Variants in AFF3 observed in about 807,000 individuals in gnomAD.
AFF3 encodes AF4/FMR2 family member 3.
In AFF3, 32 loss-of-function variants were observed where a neutral mutation model predicts 129.7. That is an observed-to-expected ratio of 0.25 (90% CI 0.19 to 0.33). The LOEUF (loss-of-function observed/expected upper bound fraction) is 0.33, where lower values mean the gene tolerates loss of function less well. Ranked by LOEUF, AFF3 falls within the 10% of genes least tolerant of loss-of-function variation. The pLI is 1.00. For missense variants in AFF3, 1,373 were observed against 1,592.0 expected (o/e 0.86, Z 2.34); for synonymous variants, 644 against 635.4 (o/e 1.01, Z -0.20).
intron 17 of AFF3, among the ~76,000 whole-genome samples, chr2:99,579,904 T>C (rs1437089447): frequency 8.5e-5 from 13 of 152,220 alleles, no homozygotes; most frequent in Admixed American, 8.5e-4. Context: ...TCTGAAGTAA[T>C]TAAATTGAGT....
intron 22 of AFF3, among the ~76,000 whole-genome samples, chr2:99,556,915 GA>G (rs771684956): frequency 0.046 from 6,217 of 135,496 alleles, 223 homozygotes; most frequent in African/African-American, 0.11. Context: ...GAACGGGACA[GA>G]AAAAAAAAAA....
chr2:99,568,965 CT>C (rs749968669), intron 18 of AFF3, 50 bp from the exon 19 acceptor site: 1 of 1,522,370 alleles, frequency 6.6e-7, no homozygotes, highest in Admixed American at 1.7e-5. Flanking sequence ...AGTGCAACGT[CT>C]TTTTAAAATA....
rs184296034 is a variant in AFF3 at position 99,780,320 on chromosome 2, C to A, written c.922-28019G>T. On this transcript the variant is annotated intron_variant, in intron 8 of 24. Coordinates refer to ENST00000672756, the MANE Select transcript of AFF3 (RefSeq NM_001386135.1). ...CAGCGCTCTGTCTGAGTAAATAATT[C>A]TCTCCTAGATGGATCACTTTCCTCC... Among the ~76,000 whole-genome samples the A allele has an allele frequency of 9.8e-5, 15 of 152,314 alleles. No individual in the cohort carries two copies. In the East Asian group the frequency reaches 2.9e-3, roughly 29 times the overall value.
intron 4 of AFF3, among the ~76,000 whole-genome samples, chr2:100,047,257 A>T (rs1382700870): frequency 6.6e-6 from 1 of 152,174 alleles, no homozygotes; most frequent in African/African-American, 2.4e-5. Context: ...CATGTGCCCA[A>T]TGTACTTTAT....
intron 7 of AFF3, among the ~76,000 whole-genome samples, chr2:99,913,866 TA>T (rs953824856): frequency 2.6e-5 from 4 of 151,956 alleles, no homozygotes; most frequent in African/African-American, 9.7e-5. Context: ...CTGAATAAAA[TA>T]AAAATCCATG....
chr2:99,610,361 A>C (rs768011256), intron 13 of AFF3, among the ~76,000 whole-genome samples: 2 of 152,230 alleles, frequency 1.3e-5, no homozygotes, highest in Non-Finnish European at 2.9e-5. Context: ...TGAGAATGTT[A>C]TAGAAACAGA....
chr2:99,987,540 A>G (rs1281588738), intron 7 of AFF3, among the ~76,000 whole-genome samples: 2 of 152,210 alleles, frequency 1.3e-5, no homozygotes, highest in Non-Finnish European at 2.9e-5. Context: ...GAAATAAGCA[A>G]TGCTACCTGG....
At chr2:100,005,518 T>C (rs1681890622) in intron 7 of AFF3, among the ~76,000 whole-genome samples, 1 of 152,226 alleles carries the variant, frequency 6.6e-6, no homozygotes, top group Non-Finnish European at 1.5e-5. Flanking sequence ...GGTACCTACG[T>C]GTGTCTCCTA....
At chr2:100,032,895 GTAAT>G (rs1204529292) in intron 4 of AFF3, among the ~76,000 whole-genome samples, 6 of 152,122 alleles carry the variant, frequency 3.9e-5, no homozygotes, top group African/African-American at 1.4e-4. Flanking sequence ...TAAGTAATGA[GTAAT>G]TACCATAAGT....
chr2:100,029,150 A>G (rs1307543554), intron 4 of AFF3, among the ~76,000 whole-genome samples: 1 of 152,210 alleles, frequency 6.6e-6, no homozygotes, highest in Admixed American at 6.5e-5. Flanking sequence ...CTCAAAAGCC[A>G]TATGTTGAAG....
Position 99,821,062 on chromosome 2 carries a change from G to A in AFF3, c.921+16415C>T, listed in dbSNP as rs1039129487. On this transcript the variant is annotated intron_variant, in intron 8 of 24. Coordinates refer to ENST00000672756, the MANE Select transcript of AFF3 (RefSeq NM_001386135.1). ...TGATTTTTGTATTTTTAGTACAGAC[G>A]GCGTTTCCTCATGTTGGCCAGGCTG... Among the ~76,000 whole-genome samples, 4 of 151,706 alleles carry A rather than the reference G, an allele frequency of 2.6e-5. 1 individual carries two copies. The highest frequency in any genetic ancestry group is 4.8e-5 in the African/African-American group (2 of 41,286).
At chr2:99,670,512 T>C (rs1687056726) in intron 12 of AFF3, among the ~76,000 whole-genome samples, 1 of 143,564 alleles carries the variant, frequency 7.0e-6, no homozygotes, top group Non-Finnish European at 1.5e-5. Context: ...TATCTCAGAA[T>C]GCCAGGGAAT....
At chr2:99,712,107 T>C (rs896673466) in intron 11 of AFF3, among the ~76,000 whole-genome samples, 19 of 152,174 alleles carry the variant, frequency 1.2e-4, no homozygotes, top group Non-Finnish European at 1.5e-5. Flanking sequence ...CACTGAAAAC[T>C]TCCCTTCTCC....
At chr2:100,048,396 C>T (rs1686013001) in intron 4 of AFF3, among the ~76,000 whole-genome samples, 1 of 152,178 alleles carries the variant, frequency 6.6e-6, no homozygotes, top group Non-Finnish European at 1.5e-5. Context: ...GAGCAGCTCT[C>T]CGTGACTCTG....
intron 8 of AFF3, among the ~76,000 whole-genome samples, chr2:99,757,495 C>T (rs940459): frequency 0.029 from 4,490 of 152,206 alleles, 87 homozygotes; most frequent in Non-Finnish European, 0.041. Flanking sequence ...ATATTATGCA[C>T]GATTTTAAAC....
intron 11 of AFF3, among the ~76,000 whole-genome samples, chr2:99,707,924 T>C (rs765729403): frequency 6.6e-6 from 1 of 152,194 alleles, no homozygotes; most frequent in Non-Finnish European, 1.5e-5. Flanking sequence ...TATTATTCTC[T>C]GAATTGAATT....
chr2:99,615,921 T>C (rs1229571516), intron 13 of AFF3, among the ~76,000 whole-genome samples: 1 of 152,226 alleles, frequency 6.6e-6, no homozygotes, highest in African/African-American at 2.4e-5. Context: ...TCCTACTCGA[T>C]GGCTTTTCAG....
At chr2:100,100,414 C>T (rs1361052776) in intron 4 of AFF3, among the ~76,000 whole-genome samples, 1 of 150,304 alleles carries the variant, frequency 6.7e-6, no homozygotes, top group East Asian at 2.0e-4. Flanking sequence ...TTCAAGTTTT[C>T]TTTGCCCAAG....
At chr2:99,815,547 T>A (rs1365812676) in intron 8 of AFF3, among the ~76,000 whole-genome samples, 3 of 136,598 alleles carry the variant, frequency 2.2e-5, no homozygotes, top group Non-Finnish European at 4.9e-5. Flanking sequence ...GATCTGACTT[T>A]CTGACTATAT....
Sources: gnomAD v4.1 joint callset for allele counts (sites outside exome capture counted in the v4.1 genomes callset) on GRCh38, gnomAD v4.1.1 for gene constraint, MANE v1.5 for transcripts, NCBI Gene and HGNC (gene_info 2026-07-23, HGNC 2026-07-21) for gene names.